SAV1: variants seen among roughly 807,000 people sequenced by gnomAD.
The protein encoded by SAV1 is salvador family WW domain containing protein 1.
Under a neutral mutation model 47.3 loss-of-function variants are expected in SAV1, and 23 were observed. The observed-to-expected ratio is 0.49, with a 90% CI of 0.35 to 0.69. The LOEUF (loss-of-function observed/expected upper bound fraction) is 0.69, where lower values mean the gene tolerates loss of function less well. Among genes scored for constraint, SAV1 ranks in the 30% least tolerant of loss-of-function variants. SAV1 has a pLI of 0.01. For missense variants in SAV1, 448 were observed against 457.4 expected (o/e 0.98, Z 0.19); for synonymous variants, 155 against 159.2 (o/e 0.97, Z 0.20).
intron 4 of SAV1, among the ~76,000 whole-genome samples, chr14:50,638,478 A>T (rs1004105752): frequency 5.9e-5 from 9 of 152,122 alleles, no homozygotes; most frequent in African/African-American, 2.2e-4. Flanking sequence ...ACCTGTCCAC[A>T]CTGCATGCTG....
intron 2 of SAV1, among the ~76,000 whole-genome samples, chr14:50,660,505 TG>T (rs1186093411): frequency 6.6e-6 from 1 of 152,048 alleles, no homozygotes; most frequent in East Asian, 1.9e-4. Flanking sequence ...CATAATTATT[TG>T]CACATGTTTA....
chr14:50,651,025 A>G (rs1339813364), intron 2 of SAV1, among the ~76,000 whole-genome samples: 1 of 145,690 alleles, frequency 6.9e-6, no homozygotes, highest in Non-Finnish European at 1.5e-5. Flanking sequence ...CTGTCTCCAA[A>G]AAAAAAAAAA....
intron 3 of SAV1, among the ~76,000 whole-genome samples, chr14:50,642,493 A>G (rs1240083591): frequency 1.6e-5 from 2 of 125,226 alleles, no homozygotes; most frequent in African/African-American, 7.3e-5. Context: ...CCGTCTCAGA[A>G]AAAAAAAAAA....
chr14:50,635,442 A>G, intron 4 of SAV1, 58 bp from the exon 5 acceptor site: 19 of 1,287,726 alleles, frequency 1.5e-5, no homozygotes, highest in Non-Finnish European at 2.1e-5. Flanking sequence ...ATGTATTTCT[A>G]GCAAGAAACT....
chr14:50,663,276 C>T (rs1490443062), intron 2 of SAV1: 1 of 152,200 alleles, frequency 6.6e-6, no homozygotes, highest in Admixed American at 6.5e-5. Flanking sequence ...TGGACAGGTA[C>T]TTTGCCTTTA....
At chr14:50,652,276 G>T (rs2039775755) in intron 2 of SAV1, among the ~76,000 whole-genome samples, 1 of 152,116 alleles carries the variant, frequency 6.6e-6, no homozygotes, top group African/African-American at 2.4e-5. Context: ...GTAAAAACTT[G>T]GAAATCTTAA....
At chr14:50,646,306 A>G (rs1405282274) in intron 2 of SAV1, among the ~76,000 whole-genome samples, 1 of 152,248 alleles carries the variant, frequency 6.6e-6, no homozygotes, top group Admixed American at 6.5e-5. Flanking sequence ...CTTGTACCAT[A>G]TTCATCAATT....
chr14:50,651,362 A>G (rs1488173121), intron 2 of SAV1, among the ~76,000 whole-genome samples: 1 of 152,184 alleles, frequency 6.6e-6, no homozygotes, highest in African/African-American at 2.4e-5. Context: ...AATTAATAAA[A>G]TTGGGTATTT....
At chr14:50,656,374 T>C (rs568210429) in intron 2 of SAV1, among the ~76,000 whole-genome samples, 2 of 151,978 alleles carry the variant, frequency 1.3e-5, no homozygotes, top group Admixed American at 1.3e-4. Context: ...CAATGCCCTG[T>C]AAAGCCATGA....
Position 50,650,996 on chromosome 14 carries a change from T to C in SAV1, c.536-5982A>G, listed in dbSNP as rs148738590. Among the ~76,000 whole-genome samples the C allele has an allele frequency of 7.8e-3, 1,174 of 150,898 alleles. 21 individuals carry two copies. The highest frequency in any genetic ancestry group is 0.027 in the African/African-American group (1,096 of 40,962). On this transcript the variant is annotated intron_variant, in intron 2 of 4. Coordinates refer to ENST00000324679, the MANE Select transcript of SAV1 (RefSeq NM_021818.4). ...GAGAGCGCGCCACTGCACTCAAGCC[T>C]GAGCAACAGAGAGAGACTCTGTCTC...
rs1439556976 is a variant in SAV1 at position 50,668,277 on chromosome 14, G to A, written c.-310C>T. 1.1e-5 allele frequency: 2 copies of A among 177,192 alleles called. No individual in the cohort carries two copies. Among genetic ancestry groups the A allele is most frequent in the Non-Finnish European group, 2.4e-5 (2 of 85,018 alleles). The allele number at this position is 177,192 out of a possible 1,614,324, so 11.0% of individuals were successfully genotyped here. A position where few individuals can be genotyped will look rare whatever the true frequency, so the allele number is the denominator to read the frequency against. On this transcript the variant is annotated 5_prime_UTR_variant, in exon 1 of 5. Transcript: ENST00000324679. ...CGGGCCAGGGCCAGGGCCATGGTCC[G>A]CCGCGGGCCGCCGAATAACCGCTAC...
At chr14:50,659,561 A>T (rs2039841474) in intron 2 of SAV1, among the ~76,000 whole-genome samples, 2 of 152,254 alleles carry the variant, frequency 1.3e-5, no homozygotes, top group African/African-American at 2.4e-5. Context: ...AAAGAACAAT[A>T]ATCCAGACTG....
chr14:50,639,790 A>AC (rs2039666915), intron 4 of SAV1, among the ~76,000 whole-genome samples: 1 of 152,014 alleles, frequency 6.6e-6, no homozygotes, highest in South Asian at 2.1e-4. Context: ...AACCATATCC[A>AC]CCCCCAGAAA....
In SAV1 at chr14:50,640,842, A is replaced by T; in HGVS notation, c.858T>A (p.Thr286=). Residue 286 remains threonine, a synonymous_variant, in exon 4 of 5, where the codon ACT becomes ACA. Coordinates refer to ENST00000324679, the MANE Select transcript of SAV1 (RefSeq NM_021818.4). ...GTACCAGAAGGGACTGATTTCTTTC[A>T]GTTTGCTGTGGCTGGTATGTGACAG... The part of the protein sequence containing the change: ...PPPVTYQPQQ[T]ERNQSLLVPA... 1.2e-6 allele frequency: 2 copies of T among 1,613,686 alleles called. No individual in the cohort carries two copies. Among genetic ancestry groups the T allele is most frequent in the South Asian group, 1.1e-5 (1 of 90,996 alleles).
intron 3 of SAV1, among the ~76,000 whole-genome samples, chr14:50,644,393 G>C (rs561281568): frequency 7.9e-5 from 12 of 152,288 alleles, no homozygotes; most frequent in African/African-American, 2.9e-4. Flanking sequence ...TTCTGACTTA[G>C]GGGGTAGGTC....
intron 2 of SAV1, among the ~76,000 whole-genome samples, chr14:50,654,007 G>A (rs2039792057): frequency 6.6e-6 from 1 of 152,150 alleles, no homozygotes; most frequent in Non-Finnish European, 1.5e-5. Flanking sequence ...TGAGCCTTTA[G>A]TGAGTTCACA....
At chr14:50,651,117 A>G (rs929624614) in intron 2 of SAV1, among the ~76,000 whole-genome samples, 2 of 152,098 alleles carry the variant, frequency 1.3e-5, no homozygotes, top group Admixed American at 6.5e-5. Context: ...CTCCAACTTC[A>G]TGAGAGATCC....
intron 3 of SAV1, among the ~76,000 whole-genome samples, chr14:50,644,245 G>A (rs1219400257): frequency 6.6e-6 from 1 of 152,114 alleles, no homozygotes; most frequent in Non-Finnish European, 1.5e-5. Flanking sequence ...AAGAATTACT[G>A]GCTATATTTA....
rs978264214 is a variant in SAV1, at chr14:50,643,729, G to A, written c.806+1015C>T. Among the ~76,000 whole-genome samples the A allele has an allele frequency of 2.6e-5, 4 of 152,264 alleles. 1 individual carries two copies. Among genetic ancestry groups the A allele is most frequent in the Admixed American group, 1.3e-4 (2 of 15,290 alleles). ...CAGTAGTTGAATAAACACTGATTGG[G>A]TGCCACTACATGGAATCATGGGAAA... On this transcript the variant is annotated intron_variant, in intron 3 of 4. Transcript: ENST00000324679.
Sources: allele counts gnomAD v4.1 joint callset (sites outside exome capture counted in the v4.1 genomes callset), GRCh38; gene constraint gnomAD v4.1.1; transcripts MANE v1.5; gene names NCBI Gene and HGNC (gene_info 2026-07-23, HGNC 2026-07-21).